Variants in HACD2 observed in about 807,000 individuals in gnomAD.
The protein encoded by HACD2 is 3-hydroxyacyl-CoA dehydratase 2, also known as very-long-chain (3R)-3-hydroxyacyl-CoA dehydratase 2.
In HACD2, 15 loss-of-function variants were observed where a neutral mutation model predicts 31.0. The observed-to-expected ratio is 0.48, with a 90% CI of 0.32 to 0.75. The LOEUF is 0.75. Ranked by LOEUF, HACD2 falls within the 30% of genes least tolerant of loss-of-function variation. The pLI, the probability that HACD2 is intolerant of heterozygous loss-of-function variation, is 0.03. For synonymous variants in HACD2, 115 were observed against 122.2 expected, an observed-to-expected ratio of 0.94 and a Z score of 0.39; for missense variants, 283 against 313.0, an observed-to-expected ratio of 0.90 and a Z score of 0.72.
chr3:123,555,975 G>T (rs558092999), intron 3 of HACD2, among the ~76,000 whole-genome samples: 8 of 152,070 alleles, frequency 5.3e-5, no homozygotes, highest in Non-Finnish European at 8.8e-5. Context: ...AAATCGTGCC[G>T]AACAACTGGA....
intron 3 of HACD2, among the ~76,000 whole-genome samples, chr3:123,545,077 A>G (rs1438785018): frequency 7.0e-6 from 1 of 143,592 alleles, no homozygotes; most frequent in Non-Finnish European, 1.5e-5. Context: ...AAATATAATT[A>G]TTTCTGGGTA....
chr3:123,545,100 G>A (rs1483047495), intron 3 of HACD2, among the ~76,000 whole-genome samples: 4 of 148,456 alleles, frequency 2.7e-5, no homozygotes, highest in African/African-American at 9.9e-5. Flanking sequence ...GAGATCAAGG[G>A]TGTTATTTAC....
chr3:123,575,344 T>C (rs1187763713), intron 2 of HACD2, among the ~76,000 whole-genome samples: 2 of 152,216 alleles, frequency 1.3e-5, no homozygotes, highest in Non-Finnish European at 2.9e-5. Flanking sequence ...CTTGAACTCC[T>C]GGCCTGAAGC....
intron 4 of HACD2, among the ~76,000 whole-genome samples, chr3:123,515,024 G>A (rs1481228784): frequency 6.6e-6 from 1 of 152,162 alleles, no homozygotes; most frequent in African/African-American, 2.4e-5. Context: ...GAAAGATTAG[G>A]TTACATTATA....
intron 4 of HACD2, among the ~76,000 whole-genome samples, chr3:123,504,745 A>G (rs1298989492): frequency 6.6e-6 from 1 of 152,234 alleles, no homozygotes; most frequent in Admixed American, 6.5e-5. Flanking sequence ...AAGACTAGGG[A>G]TGCAGGAAAT....
chr3:123,524,486 A>G (rs1020264256), intron 4 of HACD2, among the ~76,000 whole-genome samples: 11 of 152,132 alleles, frequency 7.2e-5, no homozygotes, highest in Non-Finnish European at 1.6e-4. Flanking sequence ...AGGGCCCACA[A>G]TTGATGTGTA....
intron 4 of HACD2, among the ~76,000 whole-genome samples, chr3:123,504,033 G>T (rs1021875818): frequency 3.9e-5 from 6 of 152,116 alleles, no homozygotes; most frequent in African/African-American, 1.2e-4. Flanking sequence ...AAAATAATAA[G>T]AATTTTATAC....
intron 3 of HACD2, among the ~76,000 whole-genome samples, chr3:123,537,503 G>A (rs1260444175): frequency 1.3e-5 from 2 of 151,714 alleles, no homozygotes; most frequent in African/African-American, 4.8e-5. Context: ...GTTTGAGGCT[G>A]CATTGAGCTA....
At chr3:123,539,343 G>A (rs1444931669) in intron 3 of HACD2, among the ~76,000 whole-genome samples, 1 of 152,146 alleles carries the variant, frequency 6.6e-6, no homozygotes. Flanking sequence ...GCCGAGGTGG[G>A]CAGATCACTT....
At chr3:123,545,548 T>TAA (rs375205125) in intron 3 of HACD2, among the ~76,000 whole-genome samples, 4 of 121,832 alleles carry the variant, frequency 3.3e-5, no homozygotes, top group Admixed American at 8.5e-5. Flanking sequence ...CTTTTTACTT[T>TAA]AAAAAAAAAA....
intron 2 of HACD2, among the ~76,000 whole-genome samples, chr3:123,568,061 G>C (rs2056811186): frequency 6.6e-6 from 1 of 152,202 alleles, no homozygotes; most frequent in African/African-American, 2.4e-5. Flanking sequence ...CAGATATCAA[G>C]GGCTCTTTCA....
At chr3:123,532,019 G>T (rs926203158) in intron 3 of HACD2, among the ~76,000 whole-genome samples, 1 of 151,990 alleles carries the variant, frequency 6.6e-6, no homozygotes, top group Non-Finnish European at 1.5e-5. Context: ...TGTTTTTAAG[G>T]CTCTTGAAAT....
chr3:123,536,978 A>G (rs539690783), intron 3 of HACD2, among the ~76,000 whole-genome samples: 8 of 152,330 alleles, frequency 5.3e-5, no homozygotes, highest in African/African-American at 1.9e-4. Context: ...AAATCAAAAT[A>G]AAGAACTCAG....
chr3:123,512,874 C>T (rs951569464), intron 4 of HACD2, among the ~76,000 whole-genome samples: 3 of 152,122 alleles, frequency 2.0e-5, no homozygotes, highest in Non-Finnish European at 4.4e-5. Context: ...CCCAAGCTTT[C>T]TCTACTGAGA....
At chr3:123,523,023 C>T (rs554968294) in intron 4 of HACD2, among the ~76,000 whole-genome samples, 4 of 152,254 alleles carry the variant, frequency 2.6e-5, no homozygotes, top group South Asian at 2.1e-4. Context: ...TCACGGATGG[C>T]GCATGCTGGG....
intron 3 of HACD2, among the ~76,000 whole-genome samples, chr3:123,545,700 TATA>T (rs1329985664): frequency 1.3e-5 from 2 of 150,046 alleles, no homozygotes; most frequent in Non-Finnish European, 3.0e-5. Context: ...CAAAAATATA[TATA>T]ATAATAATAA....
intron 3 of HACD2, among the ~76,000 whole-genome samples, chr3:123,536,200 C>A (rs1481596268): frequency 6.6e-6 from 1 of 152,158 alleles, no homozygotes; most frequent in African/African-American, 2.4e-5. Flanking sequence ...ACCATACACT[C>A]TCCTAACCTG....
At chr3:123,578,232 C>A (rs1160044130) in intron 2 of HACD2, among the ~76,000 whole-genome samples, 3 of 152,120 alleles carry the variant, frequency 2.0e-5, no homozygotes, top group Non-Finnish European at 2.9e-5. Context: ...ATGTTTATAT[C>A]CATAGACCAC....
chr3:123,521,693 G>A (rs1218473064), intron 4 of HACD2, among the ~76,000 whole-genome samples: 2 of 151,838 alleles, frequency 1.3e-5, no homozygotes, highest in East Asian at 1.9e-4. Flanking sequence ...GTGCAGTGGA[G>A]GTGAGCCCAG....
Sources: gnomAD v4.1 joint callset for allele counts (sites outside exome capture counted in the v4.1 genomes callset) on GRCh38, gnomAD v4.1.1 for gene constraint, MANE v1.5 for transcripts, NCBI Gene and HGNC (gene_info 2026-07-23, HGNC 2026-07-21) for gene names.